The following IL16 variants were observed in gnomAD, a reference collection of about 807,000 sequenced individuals.
IL16 encodes pro-interleukin-16.
A neutral mutation model predicts 110.1 loss-of-function variants in IL16; 67 were observed. The observed-to-expected ratio is 0.61, with a 90% confidence interval of 0.50 to 0.75. The LOEUF (loss-of-function observed/expected upper bound fraction) is 0.75. Ranked by LOEUF, IL16 falls within the 30% of genes least tolerant of loss-of-function variation. The pLI is 0.00. For synonymous variants in IL16, 689 were observed against 662.9 expected (o/e 1.04, Z -0.61); for missense variants, 1,545 against 1,655.0 (o/e 0.93, Z 1.15).
rs397969205 is a variant in IL16, at chr15:81,204,749, TA to T, written c.-102+7609del. ...ACTTAAAGTATAATAATAACAAAAT[TA>T]AAAAAAAAAAAGAAAAAAAAGAAAA... On this transcript the variant is annotated intron_variant, in intron 1 of 18. Coordinates refer to ENST00000683961, the MANE Select transcript of IL16 (RefSeq NM_172217.5). 9.6e-3 allele frequency among the ~76,000 whole-genome samples: 1,129 copies of T among 117,974 alleles called. 6 individuals carry two copies. The highest frequency in any genetic ancestry group is 0.011 in the Non-Finnish European group (674 of 61,532). The allele number at this position is 117,974 out of a possible 152,430, so 77.4% of individuals were successfully genotyped here.
chr15:81,189,075 T>G (rs1895459125), intron 1 of IL16, among the ~76,000 whole-genome samples: 1 of 151,602 alleles, frequency 6.6e-6, no homozygotes, highest in South Asian at 2.1e-4. Context: ...CGCCTCAGCC[T>G]CCTAAGTAAC....
chr15:81,287,586 T>TC (rs907710765), intron 10 of IL16, among the ~76,000 whole-genome samples: 4 of 152,000 alleles, frequency 2.6e-5, no homozygotes, highest in South Asian at 2.1e-4. Flanking sequence ...GTGTGATATT[T>TC]CCCCCCCAAC....
At chr15:81,284,730 C>T (rs887844699) in intron 9 of IL16, among the ~76,000 whole-genome samples, 16 of 152,198 alleles carry the variant, frequency 1.1e-4, no homozygotes, top group African/African-American at 3.9e-4. Context: ...GGCCAGGGGT[C>T]TGCAAACTGG....
At position 81,285,686 on chromosome 15, in the gene IL16, A is replaced by T; in HGVS notation, c.1200-12A>T. ...TTCACTTACTGATGGCTTCTTATTG[A>T]TGCTTGCACAGGTGTGGGGACGAGA... is the stretch of plus-strand genomic sequence containing the variant. On this transcript the variant is annotated splice_polypyrimidine_tract_variant and intron_variant, in intron 9 of 18. Coordinates refer to ENST00000683961, the MANE Select transcript of IL16 (RefSeq NM_172217.5). The T allele has an allele frequency of 6.2e-7, 1 of 1,613,418 alleles. No individual in the cohort carries two copies. Among genetic ancestry groups the T allele is most frequent in the Non-Finnish European group, 8.5e-7 (1 of 1,179,670 alleles).
intron 1 of IL16, among the ~76,000 whole-genome samples, chr15:81,214,578 G>T (rs187582507): frequency 5.3e-4 from 81 of 152,026 alleles, no homozygotes; most frequent in Middle Eastern, 6.8e-3. Context: ...ATTGACCTTG[G>T]TGAGTCTGGT....
chr15:81,258,771 CTCTA>C (rs1278688579), intron 2 of IL16, among the ~76,000 whole-genome samples: 1 of 150,202 alleles, frequency 6.7e-6, no homozygotes, highest in African/African-American at 2.5e-5. Context: ...CTCTCTCTCT[CTCTA>C]TATATATATA....
intron 2 of IL16, among the ~76,000 whole-genome samples, chr15:81,232,933 G>A (rs1382825237): frequency 1.3e-5 from 2 of 152,000 alleles, no homozygotes; most frequent in Non-Finnish European, 2.9e-5. Context: ...GACTTACATT[G>A]GTGCTATACT....
At chr15:81,283,154 C>G (rs570107771) in intron 9 of IL16, among the ~76,000 whole-genome samples, 2 of 152,144 alleles carry the variant, frequency 1.3e-5, no homozygotes, top group Admixed American at 6.5e-5. Flanking sequence ...CGAGGTGGGG[C>G]GGCCTAAATA....
chr15:81,268,068 G>A (rs1457919269), intron 4 of IL16, among the ~76,000 whole-genome samples: 3 of 152,234 alleles, frequency 2.0e-5, no homozygotes, highest in Non-Finnish European at 4.4e-5. Context: ...GGAGGAGAGG[G>A]AGTTATCAGA....
rs17875556 is a variant in IL16, at chr15:81,309,667, C to T, written c.*869C>T. The T allele has an allele frequency of 0.095, 14,422 of 152,248 alleles. 713 individuals carry two copies. The highest frequency in any genetic ancestry group is 0.19 in the Middle Eastern group (55 of 294). 9.4% of individuals were successfully genotyped at this position (152,248 alleles called of 1,614,324 possible). Reference sequence around the variant, plus strand: ...AGGGAAGGGTGGTGGAGCCAGTAAACAGAGGAGTACAGGTGAAGCACCAAG... The same window carrying T: ...AGGGAAGGGTGGTGGAGCCAGTAAATAGAGGAGTACAGGTGAAGCACCAAG... On this transcript the variant is annotated 3_prime_UTR_variant, in exon 19 of 19. Coordinates refer to ENST00000683961, the MANE Select transcript of IL16 (RefSeq NM_172217.5).
intron 2 of IL16, 109 bp from the exon 3 acceptor site, chr15:81,259,663 G>A (rs1898080001): frequency 3.0e-6 from 2 of 672,370 alleles, no homozygotes; most frequent in Admixed American, 2.3e-5. Context: ...TTTCAGTAGG[G>A]GAGACAGATA....
chr15:81,282,857 A>C, intron 9 of IL16, 101 bp downstream of exon 9: 1 of 981,548 alleles, frequency 1.0e-6, no homozygotes, highest in Non-Finnish European at 1.6e-6. Flanking sequence ...GCTATAAAGA[A>C]TGATCTTGTG....
At chr15:81,219,196 T>A (rs1896534651) in intron 1 of IL16, among the ~76,000 whole-genome samples, 1 of 152,166 alleles carries the variant, frequency 6.6e-6, no homozygotes, top group Admixed American at 6.5e-5. Flanking sequence ...TTAACGACAC[T>A]GTGTGGACAT....
chr15:81,251,047 C>G (rs144006087), intron 2 of IL16, among the ~76,000 whole-genome samples: 5 of 152,282 alleles, frequency 3.3e-5, no homozygotes, highest in Non-Finnish European at 5.9e-5. Flanking sequence ...CTTCTGGGCT[C>G]TGCTTGTTTC....
chr15:81,260,940 G>A (rs1898128747), intron 3 of IL16, among the ~76,000 whole-genome samples: 1 of 152,130 alleles, frequency 6.6e-6, no homozygotes, highest in African/African-American at 2.4e-5. Flanking sequence ...GTAGTTTAAG[G>A]CTTTTTATCT....
At chr15:81,260,167 C>T (rs1898100144) in intron 3 of IL16, among the ~76,000 whole-genome samples, 1 of 152,176 alleles carries the variant, frequency 6.6e-6, no homozygotes, top group Non-Finnish European at 1.5e-5. Context: ...CTTGGGAAGG[C>T]TTCTGTCTCT....
intron 2 of IL16, among the ~76,000 whole-genome samples, chr15:81,254,494 G>A (rs1413606432): frequency 6.6e-6 from 1 of 152,144 alleles, no homozygotes; most frequent in African/African-American, 2.4e-5. Context: ...TATTTAAAGA[G>A]TTCTCTGGAC....
intron 1 of IL16, among the ~76,000 whole-genome samples, chr15:81,202,730 G>A (rs148718025): frequency 0.034 from 5,179 of 152,220 alleles, 252 homozygotes; most frequent in East Asian, 0.25. Flanking sequence ...ATCATTGTTG[G>A]ACATTTAGGT....
At chr15:81,212,790 G>T (rs942027442) in intron 1 of IL16, among the ~76,000 whole-genome samples, 1 of 152,024 alleles carries the variant, frequency 6.6e-6, no homozygotes, top group Non-Finnish European at 1.5e-5. Context: ...TTTAAATATA[G>T]CTAGCTGTCT....
Sources: allele counts gnomAD v4.1 joint callset (sites outside exome capture counted in the v4.1 genomes callset), GRCh38; gene constraint gnomAD v4.1.1; transcripts MANE v1.5; gene names NCBI Gene and HGNC (gene_info 2026-07-23, HGNC 2026-07-21).